ADGRE3: variants seen among roughly 807,000 people sequenced by gnomAD.
ADGRE3 encodes the protein adhesion G protein-coupled receptor E3.
Under a neutral mutation model 80.1 loss-of-function variants are expected in ADGRE3, and 88 were observed. The observed-to-expected ratio is 1.10, with a 90% confidence interval of 0.93 to 1.31. ADGRE3 has a LOEUF of 1.31. Ranked by LOEUF, ADGRE3 falls within the 40% of genes most tolerant of loss-of-function variation. ADGRE3 has a pLI of 0.00. For synonymous variants in ADGRE3, 281 were observed against 294.8 expected, an observed-to-expected ratio of 0.95 and a Z score of 0.48; for missense variants, 715 against 776.5, an observed-to-expected ratio of 0.92 and a Z score of 0.94.
intron 1 of ADGRE3, among the ~76,000 whole-genome samples, chr19:14,674,142 G>A (rs1465788887): frequency 5.3e-5 from 8 of 152,154 alleles, no homozygotes; most frequent in South Asian, 2.1e-4. Context: ...CTAGTTTGCA[G>A]AAGTTATCAA....
At chr19:14,613,662 A>T in the ADGRE3 span, among the ~76,000 whole-genome samples, 2 of 151,854 alleles carry the variant, frequency 1.3e-5, no homozygotes, top group South Asian at 4.2e-4. Flanking sequence ...TTTGTTTTAA[A>T]TCTACTTGTT....
chr19:14,674,790 C>A lies in ADGRE3; in HGVS notation c.-20G>T. ...CTGCATTTCTGTGGTACGGGTATCC[C>A]ACGCCAGCCAGCCCTGGAAGCTCTC... is the stretch of plus-strand genomic sequence containing the variant. On this transcript the variant is annotated 5_prime_UTR_variant, in exon 1 of 16. Coordinates refer to ENST00000253673, the MANE Select transcript of ADGRE3 (RefSeq NM_032571.5). 6.2e-7 allele frequency: 1 copy of A among 1,613,510 alleles called. No homozygotes were observed. The highest frequency in any genetic ancestry group is 8.5e-7 in the Non-Finnish European group (1 of 1,179,734).
chr19:14,671,936 G>A (rs1312185997), intron 1 of ADGRE3, among the ~76,000 whole-genome samples: 3 of 152,142 alleles, frequency 2.0e-5, no homozygotes, highest in African/African-American at 7.2e-5. Context: ...TTTTGGTAGA[G>A]ATTGGGTCTT....
intron 2 of ADGRE3, chr19:14,668,554 A>C: frequency 4.0e-6 from 2 of 503,842 alleles, no homozygotes. Flanking sequence ...TTTCTGTTCT[A>C]TCTCCACTTT....
At chr19:14,612,445 C>T in the ADGRE3 span, among the ~76,000 whole-genome samples, 2 of 152,064 alleles carry the variant, frequency 1.3e-5, no homozygotes, top group African/African-American at 4.8e-5. Flanking sequence ...AAGCATCCTC[C>T]CGCCTCAGCC....
chr19:14,646,772 C>T (rs1971419963), intron 8 of ADGRE3, among the ~76,000 whole-genome samples: 1 of 147,324 alleles, frequency 6.8e-6, no homozygotes, highest in South Asian at 2.2e-4. Context: ...CTTCTCCTTA[C>T]TGTTTTTCTT....
intron 2 of ADGRE3, among the ~76,000 whole-genome samples, chr19:14,665,945 T>TGCATAC (rs1555763976): frequency 0.15 from 3,970 of 26,686 alleles, 790 homozygotes; most frequent in African/African-American, 0.36. Context: ...TGTATATATA[T>TGCATAC]ATATATATAT....
intron 7 of ADGRE3, among the ~76,000 whole-genome samples, chr19:14,647,773 A>G (rs1971456912): frequency 6.6e-6 from 1 of 150,608 alleles, no homozygotes. Flanking sequence ...TGATCCCTGG[A>G]GGATTCGTTT....
intron 5 of ADGRE3, among the ~76,000 whole-genome samples, chr19:14,656,611 G>T (rs1456377923): frequency 6.6e-6 from 1 of 152,106 alleles, no homozygotes; most frequent in Admixed American, 6.6e-5. Flanking sequence ...GTACCATCTT[G>T]TCTGCTCCTT....
chr19:14,607,828 G>T, the ADGRE3 span, among the ~76,000 whole-genome samples: 5 of 151,542 alleles, frequency 3.3e-5, no homozygotes, highest in African/African-American at 1.2e-4. Flanking sequence ...TGCCCACCTT[G>T]GCCTCCCAAA....
intron 6 of ADGRE3, among the ~76,000 whole-genome samples, chr19:14,652,638 C>T (rs990491321): frequency 1.3e-5 from 2 of 151,680 alleles, no homozygotes; most frequent in Non-Finnish European, 1.5e-5. Flanking sequence ...ATTAGCTGGT[C>T]ATGGTGGCAG....
chr19:14,662,206 A>C, intron 3 of ADGRE3, 88 bp from the exon 4 acceptor site: 2 of 1,368,816 alleles, frequency 1.5e-6, no homozygotes, highest in Non-Finnish European at 2.0e-6. Context: ...TCTTTCCCCC[A>C]TGGTCTGTCC....
At chr19:14,605,572 G>T in the ADGRE3 span, among the ~76,000 whole-genome samples, 1 of 152,160 alleles carries the variant, frequency 6.6e-6, no homozygotes, top group Non-Finnish European at 1.5e-5. Context: ...ACCCTAGAAA[G>T]TTTTTTCATA....
intron 15 of ADGRE3, among the ~76,000 whole-genome samples, chr19:14,620,566 ATATTTTTT>A (rs1970569442): frequency 2.5e-4 from 4 of 16,054 alleles, no homozygotes; most frequent in East Asian, 2.0e-3. Context: ...ATATATATAT[ATATTTTTT>A]TTTTTTTTTT....
chr19:14,618,190 A>T (rs1280648595), downstream of ADGRE3, among the ~76,000 whole-genome samples: 1 of 152,178 alleles, frequency 6.6e-6, no homozygotes, highest in Non-Finnish European at 1.5e-5. Context: ...TCGTGGAATG[A>T]CTAAGTCAAG....
intron 1 of ADGRE3, among the ~76,000 whole-genome samples, chr19:14,672,708 C>T (rs533768114): frequency 1.3e-5 from 2 of 152,238 alleles, no homozygotes; most frequent in South Asian, 4.1e-4. Flanking sequence ...CTCCTGAGCT[C>T]AAGCGATCCT....
At chr19:14,632,405 T>C (rs994756763) in intron 13 of ADGRE3, among the ~76,000 whole-genome samples, 1 of 152,122 alleles carries the variant, frequency 6.6e-6, no homozygotes, top group Non-Finnish European at 1.5e-5. Context: ...CTCTTCCCCT[T>C]TGAGTTTTAA....
At chr19:14,648,055 C>G (rs1382713022) in intron 7 of ADGRE3, among the ~76,000 whole-genome samples, 1 of 124,538 alleles carries the variant, frequency 8.0e-6, no homozygotes, top group Non-Finnish European at 1.6e-5. Context: ...GCACTCCAGT[C>G]TGGGTGACAG....
chr19:14,643,271 G>A (rs1202843916), intron 9 of ADGRE3, among the ~76,000 whole-genome samples: 1 of 150,524 alleles, frequency 6.6e-6, no homozygotes, highest in African/African-American at 2.4e-5. Context: ...TCAGCCTCCT[G>A]CGTAGCTGGG....
Sources: gnomAD v4.1 joint callset for allele counts (sites outside exome capture counted in the v4.1 genomes callset) on GRCh38, gnomAD v4.1.1 for gene constraint, MANE v1.5 for transcripts, NCBI Gene and HGNC (gene_info 2026-07-23, HGNC 2026-07-21) for gene names.